Variants in DACH2 observed in about 807,000 individuals in gnomAD.
DACH2 encodes the protein dachshund family transcription factor 2, also known as dachshund homolog 2.
Under a neutral mutation model 35.8 loss-of-function variants are expected in DACH2, and 17 were observed. The observed-to-expected ratio is 0.48, with a 90% CI of 0.33 to 0.71. The LOEUF is 0.71. Ranked by LOEUF, DACH2 falls within the 30% of genes least tolerant of loss-of-function variation. The pLI is 0.02. For synonymous variants in DACH2, 195 were observed against 177.3 expected (o/e 1.10, Z -0.79); for missense variants, 469 against 472.7 (o/e 0.99, Z 0.07).
At chrX:86,802,003 A>C (rs770743131) in intron 7 of DACH2, among the ~76,000 whole-genome samples, 4 of 111,932 alleles carry the variant, frequency 3.6e-5, no homozygotes, top group Non-Finnish European at 7.5e-5. Flanking sequence ...ATTTTATTCG[A>C]TTTCTTGAAG....
intron 2 of DACH2, among the ~76,000 whole-genome samples, chrX:86,401,729 G>A (rs73631929): frequency 0.014 from 1,249 of 89,780 alleles, 19 homozygotes; most frequent in African/African-American, 0.046. Flanking sequence ...AAAAAAAAAA[G>A]AAAAAAAAAA....
chrX:86,550,734 T>C (rs1717638264), intron 3 of DACH2, among the ~76,000 whole-genome samples: 1 of 111,571 alleles, frequency 9.0e-6, no homozygotes. Context: ...CGAAGTTCCA[T>C]GGTTTATACT....
chrX:86,760,536 T>C (rs1231367222), intron 7 of DACH2, among the ~76,000 whole-genome samples: 1 of 111,924 alleles, frequency 8.9e-6, no homozygotes, highest in Non-Finnish European at 1.9e-5. Context: ...AATTATTCAG[T>C]TCCAAAATTA....
intron 3 of DACH2, among the ~76,000 whole-genome samples, chrX:86,615,972 T>A (rs2039997190): frequency 9.0e-6 from 1 of 110,803 alleles, no homozygotes; most frequent in Non-Finnish European, 1.9e-5. Flanking sequence ...TCTCCCTCAT[T>A]GTGTCCATGA....
rs2038032258 is a variant in DACH2, at chrX:86,487,303, C to T, written c.528-26976C>T. Among the ~76,000 whole-genome samples the T allele has an allele frequency of 2.7e-5, 3 of 111,610 alleles. No homozygotes were observed. In the Admixed American group the frequency reaches 2.9e-4, roughly 11 times the overall value. On this transcript the variant is annotated intron_variant, in intron 2 of 11. Transcript: ENST00000373125. ...CGCTAGCAAAAGCCTATTATATATT[C>T]TTTCCTGTTCAATGTTGTGAAGCCG...
rs780158786 is a variant in DACH2 at position 86,675,472 on chromosome X, C to A, written c.773-19549C>A. ...AGTCGAGGCAGGTGGATCACTTGAA[C>A]CCAGGAGTTCAAGACCAGCCTGGGC... On this transcript the variant is annotated intron_variant, in intron 4 of 11. Coordinates refer to ENST00000373125, the MANE Select transcript of DACH2 (RefSeq NM_053281.3). 4.4e-3 allele frequency among the ~76,000 whole-genome samples: 487 copies of A among 111,344 alleles called. 3 individuals carry two copies. Among genetic ancestry groups the A allele is most frequent in the African/African-American group, 0.015 (465 of 30,648 alleles).
intron 1 of DACH2, among the ~76,000 whole-genome samples, chrX:86,298,817 G>A (rs1340671746): frequency 9.0e-6 from 1 of 111,548 alleles, no homozygotes; most frequent in East Asian, 2.8e-4. Context: ...GAGTTGCTTG[G>A]CTTATTCATA....
intron 2 of DACH2, among the ~76,000 whole-genome samples, chrX:86,443,363 T>C (rs1404230960): frequency 8.9e-6 from 1 of 111,894 alleles, no homozygotes; most frequent in Non-Finnish European, 1.9e-5. Context: ...TTATGTACTT[T>C]AATTTTGTAT....
At chrX:86,393,094 C>T (rs1029486453) in intron 2 of DACH2, among the ~76,000 whole-genome samples, 1 of 110,642 alleles carries the variant, frequency 9.0e-6, no homozygotes, top group East Asian at 2.9e-4. Context: ...GAAATGCTAC[C>T]CTGTAGCATT....
intron 5 of DACH2, among the ~76,000 whole-genome samples, chrX:86,704,041 G>A (rs1161090897): frequency 1.8e-5 from 2 of 112,189 alleles, no homozygotes; most frequent in Non-Finnish European, 1.9e-5. Context: ...CCATCACATT[G>A]CTGGATTTCT....
At chrX:86,187,265 G>T (rs1042323447) in intron 1 of DACH2, among the ~76,000 whole-genome samples, 2 of 110,829 alleles carry the variant, frequency 1.8e-5, no homozygotes, top group Non-Finnish European at 3.8e-5. Flanking sequence ...TTGTTAGCAC[G>T]GCACAAACCA....
intron 5 of DACH2, among the ~76,000 whole-genome samples, chrX:86,711,196 T>C (rs1193827885): frequency 3.6e-5 from 4 of 110,505 alleles, no homozygotes; most frequent in African/African-American, 1.3e-4. Flanking sequence ...GCCAACATGG[T>C]GAAACTCCAT....
chrX:86,775,844 G>A (rs1008599249), intron 7 of DACH2, among the ~76,000 whole-genome samples: 22 of 111,674 alleles, frequency 2.0e-4, no homozygotes, highest in African/African-American at 6.8e-4. Context: ...CTTGGGCCAG[G>A]TATGGCTCTA....
chrX:86,453,057 C>T (rs568292937), intron 2 of DACH2, among the ~76,000 whole-genome samples: 17 of 111,558 alleles, frequency 1.5e-4, no homozygotes, highest in African/African-American at 5.5e-4. Flanking sequence ...TTGATTTCTG[C>T]CTTAATTTCA....
intron 3 of DACH2, among the ~76,000 whole-genome samples, chrX:86,637,160 A>G (rs960323584): frequency 4.2e-5 from 4 of 96,252 alleles, no homozygotes; most frequent in Admixed American, 1.2e-4. Context: ...CAAAACCACA[A>G]TGACATACCA....
intron 1 of DACH2, among the ~76,000 whole-genome samples, chrX:86,279,917 C>G (rs2033991699): frequency 9.3e-6 from 1 of 107,449 alleles, no homozygotes; most frequent in African/African-American, 3.4e-5. Context: ...GAAAGGATAT[C>G]AGAGATTGAA....
intron 1 of DACH2, among the ~76,000 whole-genome samples, chrX:86,183,052 G>A (rs2031551045): frequency 8.9e-6 from 1 of 111,855 alleles, no homozygotes; most frequent in Non-Finnish European, 1.9e-5. Context: ...TGCTGAAGTT[G>A]CTTATCAGCT....
At chrX:86,763,769 G>A (rs1417821231) in intron 7 of DACH2, among the ~76,000 whole-genome samples, 1 of 111,784 alleles carries the variant, frequency 8.9e-6, no homozygotes, top group Non-Finnish European at 1.9e-5. Context: ...GAGGTGTAAG[G>A]GGAATTTCTG....
chrX:86,306,449 A>G (rs1294978972), intron 1 of DACH2, among the ~76,000 whole-genome samples: 1 of 112,134 alleles, frequency 8.9e-6, no homozygotes, highest in African/African-American at 3.2e-5. Context: ...TGAGGGATAC[A>G]GAGTATTAAT....
Sources: gnomAD v4.1 joint callset for allele counts (sites outside exome capture counted in the v4.1 genomes callset) on GRCh38, gnomAD v4.1.1 for gene constraint, MANE v1.5 for transcripts, NCBI Gene and HGNC (gene_info 2026-07-23, HGNC 2026-07-21) for gene names.